KLHL32: variants seen among roughly 807,000 people sequenced by gnomAD.
KLHL32 encodes the protein kelch-like protein 32.
Under a neutral mutation model 64.8 loss-of-function variants are expected in KLHL32, and 35 were observed. That is an observed-to-expected ratio of 0.54 (90% CI 0.41 to 0.72). KLHL32 has a LOEUF of 0.72. KLHL32 is among the 30% of genes least tolerant of loss of function. The pLI, the probability that KLHL32 is intolerant of heterozygous loss-of-function variation, is 0.00. For missense variants in KLHL32, 589 were observed against 768.5 expected (o/e 0.77, Z 2.76); for synonymous variants, 259 against 281.0 (o/e 0.92, Z 0.78).
intron 6 of KLHL32, among the ~76,000 whole-genome samples, chr6:97,113,339 A>G (rs1177473832): frequency 6.6e-6 from 1 of 151,878 alleles, no homozygotes; most frequent in Non-Finnish European, 1.5e-5. Flanking sequence ...TTCTTACGTT[A>G]CTCATATTGA....
chr6:97,140,168 A>G lies in KLHL32; in HGVS notation c.*886A>G, dbSNP rs1313488916. The G allele has an allele frequency of 6.6e-6, 1 of 152,250 alleles. No homozygotes were observed. Among genetic ancestry groups the G allele is most frequent in the African/African-American group, 2.4e-5 (1 of 41,568 alleles). 9.4% of individuals were successfully genotyped at this position (152,250 alleles called of 1,614,324 possible). A position where few individuals can be genotyped will look rare whatever the true frequency, so the allele number is the denominator to read the frequency against. On this transcript the variant is annotated 3_prime_UTR_variant, in exon 11 of 11. Transcript: ENST00000369261. ...TAAAAAGCATGTGAAAGAGACACAC[A>G]ATGAGGAAATAGGGAGTTTCTCAAA...
chr6:97,063,427 C>T (rs544531884), intron 4 of KLHL32, among the ~76,000 whole-genome samples: 9 of 152,068 alleles, frequency 5.9e-5, no homozygotes, highest in Non-Finnish European at 1.0e-4. Flanking sequence ...GAATTGCAGG[C>T]AGAAGGGGTT....
intron 7 of KLHL32, among the ~76,000 whole-genome samples, chr6:97,123,038 G>A (rs1342227064): frequency 6.6e-6 from 1 of 152,156 alleles, no homozygotes; most frequent in Non-Finnish European, 1.5e-5. Flanking sequence ...CTCTGTCCTG[G>A]TAGTGCGTTA....
chr6:96,923,725 C>A (rs1213703958), upstream of KLHL32, among the ~76,000 whole-genome samples: 1 of 152,236 alleles, frequency 6.6e-6, no homozygotes. Context: ...ATAGGATTAA[C>A]ATACTATCTT....
chr6:96,912,754 A>G, the KLHL32 span, among the ~76,000 whole-genome samples: 1 of 152,218 alleles, frequency 6.6e-6, no homozygotes, highest in African/African-American at 2.4e-5. Flanking sequence ...GTGTCACTTT[A>G]TCCAGGACTC....
chr6:97,098,205 T>C (rs1795248022), intron 6 of KLHL32, among the ~76,000 whole-genome samples: 1 of 152,146 alleles, frequency 6.6e-6, no homozygotes, highest in Admixed American at 6.5e-5. Flanking sequence ...ATAATGAGCT[T>C]TGTACCGCTT....
At chr6:97,067,638 CT>C (rs1283305088) in intron 5 of KLHL32, among the ~76,000 whole-genome samples, 1 of 152,204 alleles carries the variant, frequency 6.6e-6, no homozygotes, top group Non-Finnish European at 1.5e-5. Flanking sequence ...CCCATTTCCA[CT>C]GCTAAGTCAC....
At chr6:96,943,348 C>T (rs766162728) in intron 1 of KLHL32, among the ~76,000 whole-genome samples, 25 of 149,806 alleles carry the variant, frequency 1.7e-4, no homozygotes, top group East Asian at 1.2e-3. Context: ...AAGACCTGTG[C>T]GGTAATATGA....
intron 2 of KLHL32, among the ~76,000 whole-genome samples, chr6:96,970,401 C>T (rs1254718390): frequency 6.6e-6 from 1 of 152,340 alleles, no homozygotes; most frequent in Non-Finnish European, 1.5e-5. Flanking sequence ...CATGCTCCCT[C>T]CTGCCACAGG....
At chr6:96,991,003 G>A (rs549544527) in intron 3 of KLHL32, among the ~76,000 whole-genome samples, 2 of 152,040 alleles carry the variant, frequency 1.3e-5, no homozygotes, top group Non-Finnish European at 2.9e-5. Flanking sequence ...TAATGGGAAT[G>A]TTTAATCGGG....
At chr6:97,092,795 GCAAGACGCATGACA>G (rs1794452976) in intron 6 of KLHL32, among the ~76,000 whole-genome samples, 1 of 152,128 alleles carries the variant, frequency 6.6e-6, no homozygotes, top group Non-Finnish European at 1.5e-5. Flanking sequence ...ATATGCCTTT[GCAAGACGCATGACA>G]TGTTCATTTC....
At chr6:97,001,611 G>A (rs975256949) in intron 3 of KLHL32, among the ~76,000 whole-genome samples, 33 of 152,106 alleles carry the variant, frequency 2.2e-4, no homozygotes, top group Non-Finnish European at 4.1e-4. Flanking sequence ...GAGACCACAG[G>A]CATGTGCCAC....
intron 3 of KLHL32, among the ~76,000 whole-genome samples, chr6:96,985,838 G>A (rs1468368633): frequency 1.3e-5 from 2 of 152,060 alleles, no homozygotes; most frequent in African/African-American, 4.8e-5. Context: ...TTAGCTCAGA[G>A]TAGTTTGATT....
Position 97,064,625 on chromosome 6 carries a change from C to T in KLHL32, c.313-3C>T, listed in dbSNP as rs779379658. 7.4e-6 allele frequency: 12 copies of T among 1,612,540 alleles called. No homozygotes were observed. The South Asian group carries it at 1.2e-4, about 16-fold the overall frequency. ...GTTTTATTTTTGTTAACAAACAAAA[C>T]AGATTTTGCTGGAGCCAGGTGTGAT... On this transcript the variant is annotated splice_polypyrimidine_tract_variant and splice_region_variant and intron_variant, in intron 4 of 10. Coordinates refer to ENST00000369261, the MANE Select transcript of KLHL32 (RefSeq NM_052904.4).
intron 6 of KLHL32, chr6:97,105,506 T>C (rs200710485): frequency 4.0e-5 from 19 of 470,964 alleles, no homozygotes; most frequent in Admixed American, 7.1e-5. Flanking sequence ...CTTACCTCAA[T>C]GGGATGACAA....
At chr6:96,923,032 A>G (rs999931931), upstream of KLHL32, among the ~76,000 whole-genome samples, 5 of 152,202 alleles carry the variant, frequency 3.3e-5, no homozygotes, top group Non-Finnish European at 7.3e-5. Flanking sequence ...TGCTAGGGCC[A>G]GGAGATACCC....
At chr6:97,076,283 G>T (rs1030372027) in intron 5 of KLHL32, among the ~76,000 whole-genome samples, 1 of 152,122 alleles carries the variant, frequency 6.6e-6, no homozygotes, top group South Asian at 2.1e-4. Flanking sequence ...CCCTTTACCC[G>T]CTCAGTGAGT....
At chr6:97,018,685 CAT>C (rs1234442269) in intron 3 of KLHL32, among the ~76,000 whole-genome samples, 1 of 150,814 alleles carries the variant, frequency 6.6e-6, no homozygotes, top group Non-Finnish European at 1.5e-5. Context: ...CTAACAAAAA[CAT>C]ATGTGTAACA....
intron 4 of KLHL32, among the ~76,000 whole-genome samples, chr6:97,061,512 A>G (rs2128149441): frequency 6.6e-6 from 1 of 152,260 alleles, no homozygotes; most frequent in East Asian, 1.9e-4. Flanking sequence ...CACTCACATT[A>G]GCTCCTATTC....
Sources: allele counts gnomAD v4.1 joint callset (sites outside exome capture counted in the v4.1 genomes callset), GRCh38; gene constraint gnomAD v4.1.1; transcripts MANE v1.5; gene names NCBI Gene and HGNC (gene_info 2026-07-23, HGNC 2026-07-21).